The following ARID1A variants were observed in gnomAD, a reference collection of about 807,000 sequenced individuals.
ARID1A encodes the protein AT-rich interactive domain-containing protein 1A.
A neutral mutation model predicts 212.6 loss-of-function variants in ARID1A; 20 were observed. The ratio of observed to expected loss-of-function variants is 0.09; its 90% CI spans 0.07 to 0.14. The LOEUF is 0.14. Among genes scored for constraint, ARID1A ranks in the 10% least tolerant of loss-of-function variants. The pLI is 1.00. For missense variants in ARID1A, 2,587 were observed against 3,059.0 expected (o/e 0.85, Z 3.64); for synonymous variants, 1,376 against 1,222.1 (o/e 1.13, Z -2.63).
At chr1:26,706,964 A>G (rs2080398081) in intron 1 of ARID1A, among the ~76,000 whole-genome samples, 1 of 152,006 alleles carries the variant, frequency 6.6e-6, no homozygotes, top group African/African-American at 2.4e-5. Context: ...CATATTACAA[A>G]GCTTTTGGGG....
chr1:26,733,042 G>A (rs542993311), intron 4 of ARID1A, among the ~76,000 whole-genome samples: 1 of 152,184 alleles, frequency 6.6e-6, no homozygotes, highest in Non-Finnish European at 1.5e-5. Context: ...CCACATGAGG[G>A]GCAGAGAAGA....
intron 1 of ARID1A, among the ~76,000 whole-genome samples, chr1:26,721,764 G>C (rs2080567345): frequency 6.6e-6 from 1 of 152,188 alleles, no homozygotes; most frequent in African/African-American, 2.4e-5. Flanking sequence ...TGATGCTGTA[G>C]CTGCTTTATT....
Position 26,773,940 on chromosome 1 carries a change from C to T in ARID1A, c.4101+42C>T, listed in dbSNP as rs188699836. ...GGAATGGACTGGCATGCAGGTTCGC[C>T]TTGAAAACTAGTTAGTAAACTAATC... On this transcript the variant is annotated intron_variant, in intron 17 of 19. Transcript: ENST00000324856. The T allele has an allele frequency of 2.7e-4, 422 of 1,589,956 alleles. 4 individuals are homozygous for T. The Middle Eastern group carries it at 2.8e-3, about 11-fold the overall frequency.
At chr1:26,728,322 C>G (rs1253187830) in intron 1 of ARID1A, among the ~76,000 whole-genome samples, 1 of 152,116 alleles carries the variant, frequency 6.6e-6, no homozygotes, top group Non-Finnish European at 1.5e-5. Context: ...TTCATGAAAG[C>G]TCTACTTCCT....
In ARID1A at chr1:26,779,282, A is replaced by G. The variant is rs528649140; in HGVS notation, c.5384A>G (p.Lys1795Arg). 3.1e-6 allele frequency: 5 copies of G among 1,614,252 alleles called. No individual in the cohort carries two copies. In the East Asian group the frequency reaches 1.1e-4, roughly 36 times the overall value. ...GAGATAGCCTTTTCAGGCAAGGACA[A>G]GCCAGCTTCAGAGAATAGTGAGGAG... is the stretch of plus-strand genomic sequence containing the variant. ...DEEIAFSGKD[K>R]PASENSEEKL... The change falls in exon 20 of 20, where the codon AAG becomes AGG. Residue 1795 changes from lysine (K) to arginine (R), a missense_variant. Physicochemically the swap from Lys to Arg is conservative, Grantham distance 26 (BLOSUM62 2). Around this residue, in one of 11 missense-constraint regions of ARID1A, gnomAD observed 890 missense variants for 1,098.2 expected, o/e 0.81. Coordinates refer to ENST00000324856, the MANE Select transcript of ARID1A (RefSeq NM_006015.6).
chr1:26,739,462 C>A (rs1557596994), intron 4 of ARID1A, among the ~76,000 whole-genome samples: 1 of 151,936 alleles, frequency 6.6e-6, no homozygotes, highest in Non-Finnish European at 1.5e-5. Context: ...GTTCAGAAGA[C>A]CACAATTGGA....
intron 4 of ARID1A, among the ~76,000 whole-genome samples, chr1:26,735,897 A>G (rs2080724521): frequency 6.6e-6 from 1 of 151,432 alleles, no homozygotes; most frequent in Admixed American, 6.6e-5. Context: ...TTTCCCCTCA[A>G]CTCCTCCTGT....
In ARID1A at chr1:26,696,275, G is replaced by T; in HGVS notation, c.-129G>T. On this transcript the variant is annotated 5_prime_UTR_variant, in exon 1 of 20. Coordinates refer to ENST00000324856, the MANE Select transcript of ARID1A (RefSeq NM_006015.6). ...AGAGGAGCGAGCGCAGCGCAGCAGC[G>T]GAGCCCCGCGAGGCCCGCCCGGGCG... 2 of 1,104,716 alleles carry T rather than the reference G, an allele frequency of 1.8e-6. No homozygotes were observed. Among genetic ancestry groups the T allele is most frequent in the African/African-American group, 3.4e-5 (2 of 59,592 alleles). The allele number at this position is 1,104,716 out of a possible 1,614,324, so 68.4% of individuals were successfully genotyped here.
In ARID1A at chr1:26,697,526, G is replaced by A. The variant is rs1192025201; in HGVS notation, c.1123G>A (p.Ala375Thr). The A allele has an allele frequency of 5.0e-6, 7 of 1,393,924 alleles. No homozygotes were observed. Among genetic ancestry groups the A allele is most frequent in the Non-Finnish European group, 5.5e-6 (6 of 1,082,554 alleles). 86.3% of individuals were successfully genotyped at this position (1,393,924 alleles called of 1,614,324 possible). ...GSSGGGGQPL[A>T]RTPQPSSPMD... Reference sequence around the variant, plus strand: ...CAGCGGCGGCGGGGGGCAGCCGCTCGCCCGGACCCCTCAGGTACACAGCTG... The same window carrying A: ...CAGCGGCGGCGGGGGGCAGCCGCTCACCCGGACCCCTCAGGTACACAGCTG... Residue 375 changes from alanine to threonine, a missense_variant, in exon 1 of 20, where the codon GCC becomes ACC. Ala to Thr is a moderately conservative substitution (Grantham distance 58). Around this residue, in one of 11 missense-constraint regions of ARID1A, gnomAD observed 735 missense variants for 590.6 expected, o/e 1.24. Coordinates refer to ENST00000324856, the MANE Select transcript of ARID1A (RefSeq NM_006015.6).
intron 1 of ARID1A, among the ~76,000 whole-genome samples, chr1:26,715,094 GATAAA>G (rs1193100777): frequency 6.6e-6 from 1 of 152,178 alleles, no homozygotes; most frequent in Non-Finnish European, 1.5e-5. Context: ...TGCAGTTGTA[GATAAA>G]ATAAAAAGAA....
chr1:26,710,296 T>G (rs1441603032), intron 1 of ARID1A, among the ~76,000 whole-genome samples: 1 of 151,034 alleles, frequency 6.6e-6, no homozygotes, highest in Non-Finnish European at 1.5e-5. Context: ...TAGCTAGGCG[T>G]GGTGGCGGAT....
chr1:26,726,994 C>CTGGGCA (rs1486662907), intron 1 of ARID1A, among the ~76,000 whole-genome samples: 1 of 152,216 alleles, frequency 6.6e-6, no homozygotes, highest in Non-Finnish European at 1.5e-5. Flanking sequence ...TTGCATAGAG[C>CTGGGCA]TGGGCATGTA....
chr1:26,751,259 A>G (rs2080882663), intron 4 of ARID1A, among the ~76,000 whole-genome samples: 1 of 152,150 alleles, frequency 6.6e-6, no homozygotes, highest in Non-Finnish European at 1.5e-5. Flanking sequence ...CGTCTAAAAA[A>G]AAAAGGACAG....
intron 19 of ARID1A, 106 bp downstream of exon 19, chr1:26,775,813 G>T (rs781500063): frequency 6.5e-7 from 1 of 1,527,072 alleles, no homozygotes; most frequent in South Asian, 1.2e-5. Flanking sequence ...TTTCTCTCTT[G>T]TAGATATCTT....
chr1:26,721,081 G>A (rs527960712), intron 1 of ARID1A, among the ~76,000 whole-genome samples: 2 of 152,244 alleles, frequency 1.3e-5, no homozygotes, highest in South Asian at 2.1e-4. Flanking sequence ...TTTGCACCTG[G>A]TTGTACTGCT....
Position 26,708,266 on chromosome 1 carries a change from C to CTTTTTTTTTTTTTTTTTTTTTTT in ARID1A, c.1137+10740_1137+10762dup, listed in dbSNP as rs397860721. On this transcript the variant is annotated intron_variant, in intron 1 of 19. Coordinates refer to ENST00000324856, the MANE Select transcript of ARID1A (RefSeq NM_006015.6). ...TCAGCCTTTAAGATACAGTCCTTCA[C>CTTTTTTTTTTTTTTTTTTTTTTT]TTTTTTTTTTTTTTTTTTTTTTTTT... Among the ~76,000 whole-genome samples the CTTTTTTTTTTTTTTTTTTTTTTT allele has an allele frequency of 1.7e-4, 4 of 23,754 alleles. 1 individual carries two copies. The highest frequency in any genetic ancestry group is 2.1e-4 in the Non-Finnish European group (3 of 13,996). The allele number at this position is 23,754 out of a possible 152,430, so 15.6% of individuals were successfully genotyped here. A position where few individuals can be genotyped will look rare whatever the true frequency, so the allele number is the denominator to read the frequency against.
Position 26,763,152 on chromosome 1 carries a change from C to A in ARID1A, c.2599C>A (p.Pro867Thr), listed in dbSNP as rs1405973066. The stretch of plus-strand genomic sequence containing the variant: ...GAGTCACGCCTCCATGGGCAACCGG[C>A]CTTATGGCCCTAACATGGCCAATAT... The part of the protein sequence containing the change: ...RMSHASMGNR[P>T]YGPNMANMPP... Residue 867 changes from proline to threonine, a missense_variant, in exon 8 of 20, where the codon CCT (proline) becomes ACT (threonine). Pro to Thr is a conservative substitution (Grantham distance 38). Transcript: ENST00000324856. 1 of 1,614,278 alleles carries A rather than the reference C, an allele frequency of 6.2e-7. No homozygotes were observed. Among genetic ancestry groups the A allele is most frequent in the Non-Finnish European group, 8.5e-7 (1 of 1,180,058 alleles).
At chr1:26,728,126 G>GTGATTTGGGACACAGTTTTACTA (rs2080635574) in intron 1 of ARID1A, among the ~76,000 whole-genome samples, 1 of 152,222 alleles carries the variant, frequency 6.6e-6, no homozygotes, top group African/African-American at 2.4e-5. Flanking sequence ...ACATGTAGTA[G>GTGATTTGGGACACAGTTTTACTA]TGATTTGGGA....
intron 4 of ARID1A, among the ~76,000 whole-genome samples, chr1:26,733,257 C>T (rs907052567): frequency 6.8e-6 from 1 of 147,186 alleles, no homozygotes; most frequent in Non-Finnish European, 1.5e-5. Flanking sequence ...TGTGTGAATA[C>T]TTTTTTTTTT....
Sources: allele counts gnomAD v4.1 joint callset (sites outside exome capture counted in the v4.1 genomes callset), GRCh38; gene constraint gnomAD v4.1.1; regional missense constraint gnomAD v4.1.1; transcripts MANE v1.5; gene names NCBI Gene and HGNC (gene_info 2026-07-23, HGNC 2026-07-21).